Variants in GPC5 observed in about 807,000 individuals in gnomAD.
GPC5 encodes glypican 5.
In GPC5, 47 loss-of-function variants were observed where a neutral mutation model predicts 53.9. The ratio of observed to expected loss-of-function variants is 0.87; its 90% CI spans 0.69 to 1.11. The LOEUF is 1.11. GPC5 is among the 50% of genes most tolerant of loss of function. The probability of loss-of-function intolerance (pLI) is 0.00; values close to 1 mark genes in which losing one functional copy is unlikely to be tolerated. For missense variants in GPC5, 748 were observed against 713.1 expected, an observed-to-expected ratio of 1.05 and a Z score of -0.56; for synonymous variants, 286 against 263.3, an observed-to-expected ratio of 1.09 and a Z score of -0.84.
chr13:91,427,930 G>C (rs1325118075), intron 1 of GPC5, among the ~76,000 whole-genome samples: 2 of 152,014 alleles, frequency 1.3e-5, no homozygotes, highest in Admixed American at 6.6e-5. Flanking sequence ...CTGACACACA[G>C]AGTCTCTCTT....
At chr13:91,684,712 A>G (rs2035583633) in intron 2 of GPC5, among the ~76,000 whole-genome samples, 1 of 152,172 alleles carries the variant, frequency 6.6e-6, no homozygotes, top group Non-Finnish European at 1.5e-5. Flanking sequence ...TCCATGCTCC[A>G]TATATCAGCC....
At chr13:92,256,633 C>A (rs1229998837) in intron 7 of GPC5, among the ~76,000 whole-genome samples, 5 of 151,654 alleles carry the variant, frequency 3.3e-5, no homozygotes, top group African/African-American at 1.2e-4. Context: ...TATTGGTTTT[C>A]CATTGACAAG....
chr13:92,786,603 A>G (rs1876241646), intron 7 of GPC5, among the ~76,000 whole-genome samples: 1 of 152,172 alleles, frequency 6.6e-6, no homozygotes, highest in South Asian at 2.1e-4. Context: ...ATCTTCTAGT[A>G]AAATAGTACA....
At chr13:92,847,176 A>T (rs1309554064) in intron 7 of GPC5, among the ~76,000 whole-genome samples, 1 of 152,190 alleles carries the variant, frequency 6.6e-6, no homozygotes, top group African/African-American at 2.4e-5. Context: ...TATCCCTTAG[A>T]GAATCAATAT....
At chr13:92,381,851 A>T (rs1594150159) in intron 7 of GPC5, among the ~76,000 whole-genome samples, 1 of 32,584 alleles carries the variant, frequency 3.1e-5, no homozygotes, top group East Asian at 1.2e-3. Flanking sequence ...GTATATGATC[A>T]TATATGATTA....
At chr13:92,260,536 C>T (rs2139140734) in intron 7 of GPC5, among the ~76,000 whole-genome samples, 1 of 152,212 alleles carries the variant, frequency 6.6e-6, no homozygotes, top group East Asian at 1.9e-4. Flanking sequence ...GGTCTGTGCT[C>T]CTTGCCTTAC....
intron 2 of GPC5, among the ~76,000 whole-genome samples, chr13:91,636,816 G>A (rs2034296506): frequency 6.6e-6 from 1 of 152,034 alleles, no homozygotes; most frequent in African/African-American, 2.4e-5. Flanking sequence ...AAAAAAATTA[G>A]GCATGGTGGT....
chr13:92,025,974 G>A (rs1442684119), intron 6 of GPC5, among the ~76,000 whole-genome samples: 3 of 152,050 alleles, frequency 2.0e-5, no homozygotes, highest in Admixed American at 6.5e-5. Flanking sequence ...GAAAACTATT[G>A]CAATAAAATA....
chr13:92,584,945 GGAACCTCCACCTAGATTTCA>G (rs1208597674), intron 7 of GPC5, among the ~76,000 whole-genome samples: 1 of 152,122 alleles, frequency 6.6e-6, no homozygotes, highest in Admixed American at 6.5e-5. Flanking sequence ...TTGAGGTTTG[GGAACCTCCACCTAGATTTCA>G]GAAGATGTAT....
chr13:91,839,808 T>G (rs753364413), intron 5 of GPC5, among the ~76,000 whole-genome samples: 16 of 152,278 alleles, frequency 1.1e-4, no homozygotes, highest in Non-Finnish European at 1.9e-4. Flanking sequence ...TAATAATTTT[T>G]TTTCAAATTG....
intron 2 of GPC5, among the ~76,000 whole-genome samples, chr13:91,473,104 T>A (rs561942675): frequency 1.7e-4 from 26 of 152,136 alleles, no homozygotes; most frequent in African/African-American, 5.8e-4. Flanking sequence ...AGTGTGAGCA[T>A]GTGAAGGAGG....
At chr13:91,466,979 T>G (rs1882280948) in intron 2 of GPC5, among the ~76,000 whole-genome samples, 2 of 152,296 alleles carry the variant, frequency 1.3e-5, no homozygotes, top group African/African-American at 4.8e-5. Context: ...TGCACAATTT[T>G]GGGTTAATTG....
At chr13:92,137,465 TG>T (rs1471843539) in intron 6 of GPC5, among the ~76,000 whole-genome samples, 1 of 152,190 alleles carries the variant, frequency 6.6e-6, no homozygotes. Flanking sequence ...AATACAGGAT[TG>T]GGGTAGCAGT....
At chr13:92,566,004 C>G (rs540189232) in intron 7 of GPC5, among the ~76,000 whole-genome samples, 4 of 151,996 alleles carry the variant, frequency 2.6e-5, no homozygotes, top group African/African-American at 9.7e-5. Context: ...TTTTTGTCAA[C>G]AGTCATTTTA....
intron 7 of GPC5, among the ~76,000 whole-genome samples, chr13:92,577,418 A>ATGTGTGTGTGTGCG (rs1883223106): frequency 6.9e-6 from 1 of 145,346 alleles, no homozygotes; most frequent in Non-Finnish European, 1.5e-5. Flanking sequence ...ATGTATGTAT[A>ATGTGTGTGTGTGCG]TGTGTGTGTG....
chr13:92,829,860 A>T (rs1877990839), intron 7 of GPC5, among the ~76,000 whole-genome samples: 1 of 152,122 alleles, frequency 6.6e-6, no homozygotes, highest in African/African-American at 2.4e-5. Context: ...GTAGATAGAG[A>T]AAAGATTGCT....
At position 92,222,717 on chromosome 13, in the gene GPC5, G is replaced by T. The variant is rs140644295; in HGVS notation, c.1561+77728G>T. Among the ~76,000 whole-genome samples the T allele has an allele frequency of 9.6e-3, 1,452 of 151,988 alleles. 25 individuals are homozygous for T. The highest frequency in any genetic ancestry group is 0.033 in the African/African-American group (1,363 of 41,460). On this transcript the variant is annotated intron_variant, in intron 7 of 7. Transcript: ENST00000377067. ...TGATCCTAGTTGGATAATACGCCCC[G>T]ATTTAAGAATATTTTATTTTAAGTG...
At chr13:91,931,578 T>C (rs1594671167) in intron 6 of GPC5, among the ~76,000 whole-genome samples, 1 of 152,008 alleles carries the variant, frequency 6.6e-6, no homozygotes, top group East Asian at 1.9e-4. Context: ...ACAAGAAGAT[T>C]CTAAGCTTGA....
At chr13:91,967,110 A>G (rs1188563482) in intron 6 of GPC5, among the ~76,000 whole-genome samples, 7 of 152,208 alleles carry the variant, frequency 4.6e-5, no homozygotes, top group Admixed American at 1.3e-4. Flanking sequence ...TCATGGCAGA[A>G]GGTGAAAGCC....
Sources: allele counts gnomAD v4.1 joint callset (sites outside exome capture counted in the v4.1 genomes callset), GRCh38; gene constraint gnomAD v4.1.1; transcripts MANE v1.5; gene names NCBI Gene and HGNC (gene_info 2026-07-23, HGNC 2026-07-21).